The following ANKHD1 variants were observed in gnomAD, a reference collection of about 807,000 sequenced individuals.
The protein encoded by ANKHD1 is ankyrin repeat and KH domain containing 1.
In ANKHD1, 31 loss-of-function variants were observed where a neutral mutation model predicts 230.5. The ratio of observed to expected loss-of-function variants is 0.13; its 90% CI spans 0.10 to 0.18. The LOEUF is 0.18. Ranked by LOEUF, ANKHD1 falls within the 10% of genes least tolerant of loss-of-function variation. ANKHD1 has a pLI of 1.00. For synonymous variants in ANKHD1, 1,074 were observed against 1,117.6 expected, an observed-to-expected ratio of 0.96 and a Z score of 0.78; for missense variants, 2,256 against 3,071.3, an observed-to-expected ratio of 0.73 and a Z score of 6.27.
At chr5:140,511,172 C>A (rs1685931073) in intron 22 of ANKHD1, among the ~76,000 whole-genome samples, 2 of 152,110 alleles carry the variant, frequency 1.3e-5, no homozygotes, top group African/African-American at 4.8e-5. Flanking sequence ...GTTCACTTAT[C>A]TGCTGTATTT....
rs182110111 is a variant in ANKHD1 at position 140,516,208 on chromosome 5, G to A, written c.4317+2729G>A. ...AGAAAGGGTATCAGCGATGGAAAAT[G>A]AAATGAATAAAATGAAGCGAGAAGG... is the stretch of plus-strand genomic sequence containing the variant. On this transcript the variant is annotated intron_variant, in intron 24 of 33. Coordinates refer to ENST00000360839, the MANE Select transcript of ANKHD1 (RefSeq NM_017747.3). 3.1e-3 allele frequency among the ~76,000 whole-genome samples: 479 copies of A among 152,258 alleles called. 1 individual carries two copies. Among genetic ancestry groups the A allele is most frequent in the African/African-American group, 0.011 (456 of 41,554 alleles).
intron 1 of ANKHD1, among the ~76,000 whole-genome samples, chr5:140,431,311 A>G (rs1358315721): frequency 6.6e-6 from 1 of 152,172 alleles, no homozygotes; most frequent in Non-Finnish European, 1.5e-5. Flanking sequence ...TATGGGTCAG[A>G]TATTAGATGT....
chr5:140,465,330 A>C (rs569546772), intron 10 of ANKHD1, among the ~76,000 whole-genome samples: 1 of 152,282 alleles, frequency 6.6e-6, no homozygotes, highest in African/African-American at 2.4e-5. Flanking sequence ...CATTCCTACA[A>C]ATTCTATTCT....
rs1680473458 is a variant in ANKHD1 at position 140,506,189 on chromosome 5, G to A, written c.3408+320G>A. On this transcript the variant is annotated intron_variant, in intron 18 of 33. Transcript: ENST00000360839. The surrounding 1 kb of genome is among the most constrained non-coding windows in gnomAD (Gnocchi z 4.7). ...AATCCTCTCTCCTCGGCCTCCCAAA[G>A]TACAGGGATTATAGTTATGGGCCAG... 6.6e-6 allele frequency among the ~76,000 whole-genome samples: 1 copy of A among 152,190 alleles called. No individual in the cohort carries two copies. The highest frequency in any genetic ancestry group is 6.5e-5 in the Admixed American group (1 of 15,286).
At chr5:140,516,546 C>T (rs996050029) in intron 24 of ANKHD1, among the ~76,000 whole-genome samples, 2 of 152,116 alleles carry the variant, frequency 1.3e-5, no homozygotes, top group African/African-American at 2.4e-5. Context: ...CGAGAAAGGT[C>T]GGGTTACCCT....
intron 1 of ANKHD1, among the ~76,000 whole-genome samples, chr5:140,413,810 T>C (rs1265481105): frequency 7.9e-5 from 12 of 152,122 alleles, no homozygotes; most frequent in African/African-American, 2.7e-4. Context: ...AGATGGAGTC[T>C]TGCTCTGTCA....
intron 17 of ANKHD1, 101 bp downstream of exon 17, chr5:140,505,334 A>T: frequency 7.8e-7 from 1 of 1,281,158 alleles, no homozygotes; most frequent in Non-Finnish European, 1.1e-6. Flanking sequence ...CAGTGATAAG[A>T]TGGATAAGTA....
intron 21 of ANKHD1, 101 bp from the exon 22 acceptor site, chr5:140,509,918 G>T: frequency 6.5e-7 from 1 of 1,542,168 alleles, no homozygotes; most frequent in Non-Finnish European, 8.7e-7. Flanking sequence ...GTTAAGAAAA[G>T]ATTATTTGCA....
intron 5 of ANKHD1, among the ~76,000 whole-genome samples, chr5:140,444,189 C>T (rs142886029): frequency 1.2e-3 from 174 of 147,700 alleles, no homozygotes; most frequent in African/African-American, 3.1e-3. Context: ...CTCCTCCGTA[C>T]ACTCTCCATG....
chr5:140,409,430 C>T (rs1008927405), intron 1 of ANKHD1, among the ~76,000 whole-genome samples: 1 of 152,062 alleles, frequency 6.6e-6, no homozygotes, highest in African/African-American at 2.4e-5. Flanking sequence ...TGCTTTATTC[C>T]ATAAATTATC....
intron 1 of ANKHD1, among the ~76,000 whole-genome samples, chr5:140,421,852 C>T (rs1772009580): frequency 6.6e-6 from 1 of 152,038 alleles, no homozygotes. Flanking sequence ...TTGAAGAGAC[C>T]ATTATTTGAG....
At chr5:140,538,477 C>G (rs1754171966) in intron 32 of ANKHD1, among the ~76,000 whole-genome samples, 1 of 152,212 alleles carries the variant, frequency 6.6e-6, no homozygotes, top group African/African-American at 2.4e-5. Flanking sequence ...GGTTTTGCCA[C>G]TTTGTGCTCT....
rs534861528 is a variant in ANKHD1, at chr5:140,408,692, A to T, written c.306+6419A>T. ...AATCTGTTTTTTAATTTTTAATTAA[A>T]TTTTTTTTACCGTTATGTGTTTTGA... On this transcript the variant is annotated intron_variant, in intron 1 of 33. Coordinates refer to ENST00000360839, the MANE Select transcript of ANKHD1 (RefSeq NM_017747.3). 3.9e-5 allele frequency among the ~76,000 whole-genome samples: 6 copies of T among 152,054 alleles called. No individual in the cohort carries two copies. In the East Asian group the frequency reaches 7.7e-4, roughly 20 times the overall value.
At chr5:140,421,597 G>C (rs1040410226) in intron 1 of ANKHD1, among the ~76,000 whole-genome samples, 1 of 152,054 alleles carries the variant, frequency 6.6e-6, no homozygotes. Context: ...CACCGTGCCC[G>C]GCCGAGTTTT....
In ANKHD1 at chr5:140,539,398, C is replaced by A. The variant is rs770637244; in HGVS notation, c.7609C>A (p.His2537Asn). The change falls in exon 34 of 34, where the codon CAT (histidine) becomes AAT (asparagine). Residue 2537 changes from histidine to asparagine, a missense_variant. By Grantham distance (68) the His-to-Asn change is moderately conservative (BLOSUM62 1). This residue lies in a region of ANKHD1 where 778 missense variants were observed against 966.5 expected (regional missense o/e 0.80). Coordinates refer to ENST00000360839, the MANE Select transcript of ANKHD1 (RefSeq NM_017747.3). ...GTGGGCACCTCATATTGGAAACATGCATCTCAAATATGTCAACTAAGTTAG... is the reference window on the plus strand; with the variant it reads ...GTGGGCACCTCATATTGGAAACATGAATCTCAAATATGTCAACTAAGTTAG... ...GTWAPHIGNM[H>N]LKYVN 6.2e-7 allele frequency: 1 copy of A among 1,613,872 alleles called. No individual in the cohort carries two copies. Among genetic ancestry groups the A allele is most frequent in the East Asian group, 2.2e-5 (1 of 44,868 alleles).
chr5:140,425,839 G>A (rs1581226389), intron 1 of ANKHD1, among the ~76,000 whole-genome samples: 1 of 152,112 alleles, frequency 6.6e-6, no homozygotes. Context: ...TAGAATTTTG[G>A]AGTACTGTGT....
At position 140,527,032 on chromosome 5, in the gene ANKHD1, G is replaced by A. The variant is rs1753636195; in HGVS notation, c.5045G>A (p.Arg1682Lys). ...AAGCTGAATCTCACTAGCCCTAAAA[G>A]GGGTCAGAAAAGAGAAGAAGGGTGG... is the stretch of plus-strand genomic sequence containing the variant. ...NIKLNLTSPK[R>K]GQKREEGWKE... Residue 1682 changes from arginine (R) to lysine (K), a missense_variant, in exon 27 of 34, where the codon AGG (arginine) becomes AAG (lysine). By Grantham distance (26) the Arg-to-Lys change is conservative. Around this residue, in one of 13 missense-constraint regions of ANKHD1, gnomAD observed 212 missense variants for 257.3 expected, o/e 0.82. Coordinates refer to ENST00000360839, the MANE Select transcript of ANKHD1 (RefSeq NM_017747.3). The surrounding 1 kb of genome is among the most constrained non-coding windows in gnomAD (Gnocchi z 4.5). The A allele has an allele frequency of 1.2e-6, 2 of 1,613,444 alleles. No homozygotes were observed. Among genetic ancestry groups the A allele is most frequent in the Non-Finnish European group, 1.7e-6 (2 of 1,179,778 alleles).
chr5:140,403,005 C>G (rs1191149753), intron 1 of ANKHD1, among the ~76,000 whole-genome samples: 1 of 121,694 alleles, frequency 8.2e-6, no homozygotes. Flanking sequence ...TGGAGTTTCG[C>G]TCTTGTTGTC....
chr5:140,525,295 C>T (rs1467203675), intron 25 of ANKHD1, among the ~76,000 whole-genome samples: 2 of 151,936 alleles, frequency 1.3e-5, no homozygotes, highest in African/African-American at 4.8e-5. Flanking sequence ...TGAGGTCTCC[C>T]TCTGCCACCC....
Sources: gnomAD v4.1 joint callset for allele counts (sites outside exome capture counted in the v4.1 genomes callset) on GRCh38, gnomAD v4.1.1 for gene constraint, gnomAD v4.1.1 regional missense constraint, Gnocchi (gnomAD v3.1) non-coding constraint, MANE v1.5 for transcripts, NCBI Gene and HGNC (gene_info 2026-07-23, HGNC 2026-07-21) for gene names.